The following CACNA2D3 variants were observed in gnomAD, a reference collection of about 807,000 sequenced individuals.
CACNA2D3 encodes voltage-dependent calcium channel subunit alpha-2/delta-3.
CACNA2D3 carries 60 observed loss-of-function variants against 160.6 expected under a neutral mutation model. The ratio of observed to expected loss-of-function variants is 0.37; its 90% CI spans 0.30 to 0.46. The LOEUF (loss-of-function observed/expected upper bound fraction) is 0.46, where lower values mean the gene tolerates loss of function less well. Among genes scored for constraint, CACNA2D3 ranks in the 20% least tolerant of loss-of-function variants. CACNA2D3 has a pLI of 1.00. For missense variants in CACNA2D3, 1,205 were observed against 1,365.0 expected, an observed-to-expected ratio of 0.88 and a Z score of 1.85; for synonymous variants, 558 against 492.9, an observed-to-expected ratio of 1.13 and a Z score of -1.75.
chr3:54,452,888 T>C (rs1559484773), intron 4 of CACNA2D3, among the ~76,000 whole-genome samples: 1 of 152,164 alleles, frequency 6.6e-6, no homozygotes, highest in Non-Finnish European at 1.5e-5. Flanking sequence ...ATCACTCTAA[T>C]TTCTGCCTCC....
intron 16 of CACNA2D3, among the ~76,000 whole-genome samples, chr3:54,842,293 TAAG>T (rs2106766901): frequency 6.6e-6 from 1 of 152,348 alleles, no homozygotes; most frequent in South Asian, 2.1e-4. Context: ...GGTACAGGCT[TAAG>T]AAGGACTGGC....
intron 2 of CACNA2D3, among the ~76,000 whole-genome samples, chr3:54,261,923 C>A (rs1479987293): frequency 6.6e-6 from 1 of 152,176 alleles, no homozygotes; most frequent in African/African-American, 2.4e-5. Flanking sequence ...CAGACCCCCC[C>A]ATGGTGCCTG....
At chr3:54,164,712 G>T (rs2107301844) in intron 2 of CACNA2D3, among the ~76,000 whole-genome samples, 1 of 152,208 alleles carries the variant, frequency 6.6e-6, no homozygotes, top group South Asian at 2.1e-4. Context: ...GGATGGCTTG[G>T]TGTGTCTGTC....
chr3:55,008,477 C>A lies in CACNA2D3; in HGVS notation c.2819+635C>A, dbSNP rs1210291358. 2.0e-5 allele frequency among the ~76,000 whole-genome samples: 3 copies of A among 152,116 alleles called. 1 individual carries two copies. Among genetic ancestry groups the A allele is most frequent in the South Asian group, 4.1e-4 (2 of 4,820 alleles). ...TGTAAACAAGATTGTTTAAGTTGTA[C>A]CAAACTCTCTCATTCTTATTTCCCC... On this transcript the variant is annotated intron_variant, in intron 33 of 37. Coordinates refer to ENST00000474759, the MANE Select transcript of CACNA2D3 (RefSeq NM_018398.3).
chr3:54,381,946 G>C (rs9843412), intron 3 of CACNA2D3, among the ~76,000 whole-genome samples: 50,474 of 151,986 alleles, frequency 0.33, 8,605 homozygotes, highest in East Asian at 0.41. Flanking sequence ...TTTCCAAGTC[G>C]AGCATGTGTA....
chr3:54,669,287 G>A (rs530548270), intron 11 of CACNA2D3, among the ~76,000 whole-genome samples: 15 of 152,314 alleles, frequency 9.8e-5, no homozygotes, highest in African/African-American at 3.4e-4. Flanking sequence ...GTCCATTTCT[G>A]TTGGATCTCC....
intron 29 of CACNA2D3, among the ~76,000 whole-genome samples, chr3:54,974,788 C>G (rs180687167): frequency 1.2e-4 from 19 of 152,300 alleles, no homozygotes; most frequent in Admixed American, 2.0e-4. Context: ...TTACAAGTGT[C>G]TGTTTGAACT....
At chr3:54,258,823 A>G (rs920260123) in intron 2 of CACNA2D3, among the ~76,000 whole-genome samples, 1 of 152,206 alleles carries the variant, frequency 6.6e-6, no homozygotes, top group African/African-American at 2.4e-5. Flanking sequence ...AATAATAAAT[A>G]ACCTATGATA....
chr3:54,632,954 C>T (rs1298270324), intron 10 of CACNA2D3: 1 of 152,228 alleles, frequency 6.6e-6, no homozygotes, highest in Non-Finnish European at 1.5e-5. Flanking sequence ...GTGTTTCTAC[C>T]TACTAACGTG....
chr3:54,583,344 A>G lies in CACNA2D3; in HGVS notation c.963+1467A>G, dbSNP rs115687889. Among the ~76,000 whole-genome samples the G allele has an allele frequency of 6.2e-3, 945 of 152,298 alleles. 8 individuals carry two copies. The highest frequency in any genetic ancestry group is 0.021 in the African/African-American group (892 of 41,562). ...ATTAGAGGAAATGGGCTAAGAAATT[A>G]TTCTAAATTGCCTTTGAGTTTATGG... On this transcript the variant is annotated intron_variant, in intron 9 of 37. Transcript: ENST00000474759.
rs773565489 is a variant in CACNA2D3 at position 54,562,811 on chromosome 3, G to A, written c.556G>A (p.Val186Ile). The A allele has an allele frequency of 1.9e-6, 3 of 1,612,292 alleles. No homozygotes were observed. The highest frequency in any genetic ancestry group is 2.5e-6 in the Non-Finnish European group (3 of 1,178,688). ...TNMYNKDPAI[V>I]NGVYWSESLN... Reference sequence around the variant, plus strand: ...TTTCTTTTTTACAGACCCTGCAATTGTCAATGGGGTTTATTGGTCTGAATC... The same window carrying A: ...TTTCTTTTTTACAGACCCTGCAATTATCAATGGGGTTTATTGGTCTGAATC... The change falls in exon 6 of 38, where the codon GTC (valine) becomes ATC (isoleucine). Residue 186 changes from valine to isoleucine, a missense_variant. By Grantham distance (29) the Val-to-Ile change is conservative. Around this residue, in one of 3 missense-constraint regions of CACNA2D3, gnomAD observed 131 missense variants for 201.5 expected, o/e 0.65. Transcript: ENST00000474759.
At chr3:54,410,586 A>G (rs982377040) in intron 4 of CACNA2D3, among the ~76,000 whole-genome samples, 1 of 152,164 alleles carries the variant, frequency 6.6e-6, no homozygotes, top group African/African-American at 2.4e-5. Context: ...TGTTTGCCGC[A>G]TGGTTTACTG....
At chr3:54,169,657 G>A (rs1431937317) in intron 2 of CACNA2D3, among the ~76,000 whole-genome samples, 1 of 150,432 alleles carries the variant, frequency 6.6e-6, no homozygotes, top group South Asian at 2.1e-4. Flanking sequence ...ACGTGCATGT[G>A]TGTGCGTGCG....
intron 29 of CACNA2D3, among the ~76,000 whole-genome samples, chr3:54,980,168 T>G (rs375229346): frequency 5.9e-5 from 9 of 152,312 alleles, no homozygotes; most frequent in African/African-American, 1.9e-4. Context: ...ATCCAATTCT[T>G]AATAAAACCT....
chr3:55,020,085 A>T (rs1703413384), intron 35 of CACNA2D3, among the ~76,000 whole-genome samples: 1 of 151,980 alleles, frequency 6.6e-6, no homozygotes, highest in Admixed American at 6.6e-5. Flanking sequence ...ATCTAAATTG[A>T]TATTGAATTT....
chr3:54,753,043 T>TAG (rs1373945259), intron 12 of CACNA2D3, among the ~76,000 whole-genome samples: 2 of 152,066 alleles, frequency 1.3e-5, no homozygotes, highest in Non-Finnish European at 2.9e-5. Flanking sequence ...GTATTTTTAG[T>TAG]AGAGACGGGG....
At chr3:54,644,581 C>T (rs1378470154) in intron 11 of CACNA2D3, among the ~76,000 whole-genome samples, 1 of 152,072 alleles carries the variant, frequency 6.6e-6, no homozygotes, top group African/African-American at 2.4e-5. Flanking sequence ...GAGAGTTGTG[C>T]CATGTTGTAA....
chr3:54,211,938 T>G (rs1701380338), intron 2 of CACNA2D3, among the ~76,000 whole-genome samples: 1 of 152,134 alleles, frequency 6.6e-6, no homozygotes, highest in Non-Finnish European at 1.5e-5. Flanking sequence ...AAGGCAAAAT[T>G]GAAATAATAT....
chr3:54,784,269 T>G (rs1165414878), intron 13 of CACNA2D3, among the ~76,000 whole-genome samples: 1 of 152,194 alleles, frequency 6.6e-6, no homozygotes, highest in Non-Finnish European at 1.5e-5. Flanking sequence ...ACACCTGCAT[T>G]GCAGAGTGCA....
Sources: gnomAD v4.1 joint callset for allele counts (sites outside exome capture counted in the v4.1 genomes callset) on GRCh38, gnomAD v4.1.1 for gene constraint, gnomAD v4.1.1 regional missense constraint, MANE v1.5 for transcripts, NCBI Gene and HGNC (gene_info 2026-07-23, HGNC 2026-07-21) for gene names.